Variants in SURF6 observed in about 807,000 individuals in gnomAD.
SURF6 encodes surfeit 6.
A neutral mutation model predicts 37.5 loss-of-function variants in SURF6; 28 were observed. The ratio of observed to expected loss-of-function variants is 0.75; its 90% CI spans 0.55 to 1.02. The LOEUF (loss-of-function observed/expected upper bound fraction) is 1.02, where lower values mean the gene tolerates loss of function less well. Ranked by LOEUF, SURF6 falls within the 50% of genes least tolerant of loss-of-function variation. The pLI is 0.00. For missense variants in SURF6, 560 were observed against 490.5 expected, an observed-to-expected ratio of 1.14 and a Z score of -1.34; for synonymous variants, 248 against 210.9, an observed-to-expected ratio of 1.18 and a Z score of -1.52.
At chr9:133,335,515 C>T (rs1835851161) in intron 1 of SURF6, among the ~76,000 whole-genome samples, 1 of 152,078 alleles carries the variant, frequency 6.6e-6, no homozygotes, top group African/African-American at 2.4e-5. Context: ...ACAGCACTGA[C>T]ACGTCCCCGC....
rs2129912290 is a variant in SURF6 at position 133,331,888 on chromosome 9, T to C, written c.1067A>G (p.Glu356Gly). The C allele has an allele frequency of 6.6e-7, 1 of 1,523,352 alleles. No individual in the cohort carries two copies. Among genetic ancestry groups the C allele is most frequent in the Non-Finnish European group, 8.7e-7 (1 of 1,147,610 alleles). 94.4% of individuals were successfully genotyped at this position (1,523,352 alleles called of 1,614,324 possible). The part of the protein sequence containing the change: ...KKGRILPQDL[E>G]RAGLV ...AAAGACTCAGACCAGGCCTGCGCGC[T>C]CCAGGTCCTGCGGCAGGATGCGGCC... The change falls in exon 5 of 5, where the codon GAG (glutamate) becomes GGG (glycine). Residue 356 changes from glutamate (E) to glycine (G), a missense_variant. Coordinates refer to ENST00000372022, the MANE Select transcript of SURF6 (RefSeq NM_006753.6).
At position 133,331,666 on chromosome 9, in the gene SURF6, G is replaced by T; in HGVS notation, c.*203C>A. On this transcript the variant is annotated 3_prime_UTR_variant, in exon 5 of 5. Transcript: ENST00000372022. ...TGGGTCTGAAGGTCCCGGATCCTGCGTTCAAGGATGACGCTGAAACTCTCT... is the reference window on the plus strand; with the variant it reads ...TGGGTCTGAAGGTCCCGGATCCTGCTTTCAAGGATGACGCTGAAACTCTCT... 1 of 661,948 alleles carries T rather than the reference G, an allele frequency of 1.5e-6. No homozygotes were observed. Among genetic ancestry groups the T allele is most frequent in the Non-Finnish European group, 2.2e-6 (1 of 453,128 alleles). The allele number at this position is 661,948 out of a possible 1,614,324, so 41.0% of individuals were successfully genotyped here.
intron 2 of SURF6, 31 bp from the exon 3 acceptor site, chr9:133,333,837 C>T: frequency 1.3e-6 from 2 of 1,569,986 alleles, no homozygotes; most frequent in South Asian, 1.1e-5. Flanking sequence ...CTGCAGGGGG[C>T]CCTCTCTTCC....
rs2129902660 is a variant in SURF6, at chr9:133,329,447, A to C, written c.*2422T>G. ...GCTAAGTAGCGGGTGTTGTTCCTTGATACTTTTTGCTACTGCTAGACCATG... is the reference window on the plus strand; with the variant it reads ...GCTAAGTAGCGGGTGTTGTTCCTTGCTACTTTTTGCTACTGCTAGACCATG... On this transcript the variant is annotated 3_prime_UTR_variant, in exon 5 of 5. Transcript: ENST00000372022. 5.5e-5 allele frequency: 16 copies of C among 289,332 alleles called. No individual in the cohort carries two copies. The highest frequency in any genetic ancestry group is 9.2e-5 in the Non-Finnish European group (13 of 140,656). 17.9% of individuals were successfully genotyped at this position (289,332 alleles called of 1,614,324 possible).
Position 133,331,156 on chromosome 9 carries a change from C to A in SURF6, c.*713G>T, listed in dbSNP as rs1168196832. On this transcript the variant is annotated 3_prime_UTR_variant, in exon 5 of 5. Coordinates refer to ENST00000372022, the MANE Select transcript of SURF6 (RefSeq NM_006753.6). ...CTTTGTATCTTGCATTCACTTCACT[C>A]TCTCTCCAGCTTTTATTCTTTCTTT... 1 of 152,248 alleles carries A rather than the reference C, an allele frequency of 6.6e-6. No homozygotes were observed. The highest frequency in any genetic ancestry group is 2.4e-5 in the African/African-American group (1 of 41,466). The allele number at this position is 152,248 out of a possible 1,614,324, so 9.4% of individuals were successfully genotyped here.
chr9:133,333,139 G>A (rs2129922649), intron 3 of SURF6, among the ~76,000 whole-genome samples: 6 of 152,208 alleles, frequency 3.9e-5, no homozygotes, highest in African/African-American at 1.4e-4. Flanking sequence ...GGTACCCAAC[G>A]AAGCCCTCCC....
chr9:133,335,912 GA>G (rs1249287786), intron 1 of SURF6, 126 bp downstream of exon 1: 15 of 745,438 alleles, frequency 2.0e-5, no homozygotes, highest in Admixed American at 2.0e-4. Flanking sequence ...ACAAATAAGG[GA>G]AACGGCGATA....
Position 133,336,171 on chromosome 9 carries a change from G to T in SURF6, c.-39C>A. 6.4e-7 allele frequency: 1 copy of T among 1,554,850 alleles called. No individual in the cohort carries two copies. The highest frequency in any genetic ancestry group is 1.4e-5 in the African/African-American group (1 of 68,966). ...GCCGTTCACGACTCACACCTTCCCC[G>T]CTGCGCGTGCGACTCTCACCACCTC... On this transcript the variant is annotated 5_prime_UTR_variant, in exon 1 of 5. Transcript: ENST00000372022.
At chr9:133,332,922 A>G in intron 3 of SURF6, 162 bp from the exon 4 acceptor site, 1 of 663,948 alleles carries the variant, frequency 1.5e-6, no homozygotes. Context: ...TTCCCCAAAA[A>G]GCAAATGACC....
chr9:133,332,673 C>G lies in SURF6; in HGVS notation c.481G>C (p.Glu161Gln). ...ERDRKKRKRK[E>Q]LRAKEKARKA... is the part of the protein sequence containing the mutation. ...CTGGCCTTCTCTTTCGCCCGCAGCT[C>G]CTTTCGCTTCCTCTTCTTCCGGTCC... The change falls in exon 4 of 5, where the codon GAG becomes CAG. Residue 161 changes from glutamate to glutamine, a missense_variant. By Grantham distance (29) the Glu-to-Gln change is conservative (BLOSUM62 2). Coordinates refer to ENST00000372022, the MANE Select transcript of SURF6 (RefSeq NM_006753.6). 1 of 1,612,356 alleles carries G rather than the reference C, an allele frequency of 6.2e-7. No individual in the cohort carries two copies. The highest frequency in any genetic ancestry group is 8.5e-7 in the Non-Finnish European group (1 of 1,180,026).
chr9:133,334,408 T>C lies in SURF6; in HGVS notation c.288A>G (p.Ser96=), dbSNP rs2129927079. 32 of 1,613,076 alleles carry C rather than the reference T, an allele frequency of 2.0e-5. No individual in the cohort carries two copies. The highest frequency in any genetic ancestry group is 2.4e-5 in the Non-Finnish European group (28 of 1,179,844). ...AKEEAAWASS[S]AGNPADGLAT... is the part of the protein sequence containing the mutation. Reference sequence around the variant, plus strand: ...GCCTCTCACCTGCAGGGTTCCCTGCTGAGCTGGAAGCCCAAGCTGCTTCCT... The same window carrying C: ...GCCTCTCACCTGCAGGGTTCCCTGCCGAGCTGGAAGCCCAAGCTGCTTCCT... Residue 96 remains serine (S), a synonymous_variant, in exon 2 of 5, where the codon TCA becomes TCG. Transcript: ENST00000372022.
chr9:133,333,864 T>C, intron 2 of SURF6, 58 bp from the exon 3 acceptor site: 1 of 1,402,624 alleles, frequency 7.1e-7, no homozygotes, highest in Non-Finnish European at 9.9e-7. Context: ...CCTCCCTCCC[T>C]AGGGCCACGA....
Position 133,332,762 on chromosome 9 carries a change from TG to T in SURF6, c.394-3del. The T allele has an allele frequency of 6.2e-7, 1 of 1,609,666 alleles. No homozygotes were observed. ...AGGGGACAGCTCCTTGGCACTGCCC[TG>T]GGGGAAAGAGGCACCCACTCATTAA... On this transcript the variant is annotated splice_region_variant and splice_polypyrimidine_tract_variant and intron_variant, in intron 3 of 4. Transcript: ENST00000372022.
chr9:133,333,851 C>G, intron 2 of SURF6, 45 bp from the exon 3 acceptor site: 1 of 1,522,602 alleles, frequency 6.6e-7, no homozygotes, highest in East Asian at 2.3e-5. Context: ...CTCTTCCCCT[C>G]CCCCTCCCTC....
rs2129918711 is a variant in SURF6 at position 133,332,517 on chromosome 9, C to G, written c.606+31G>C. ...GCAACGCTGAGGCCTGAAGCCGACCCAGCCCGCCCAAGGACCCAGCTCCCG... is the reference window on the plus strand; with the variant it reads ...GCAACGCTGAGGCCTGAAGCCGACCGAGCCCGCCCAAGGACCCAGCTCCCG... On this transcript the variant is annotated intron_variant, in intron 4 of 4. Transcript: ENST00000372022. The G allele has an allele frequency of 2.5e-6, 4 of 1,599,268 alleles. No individual in the cohort carries two copies. The South Asian group carries it at 3.3e-5, about 13-fold the overall frequency.
intron 1 of SURF6, among the ~76,000 whole-genome samples, chr9:133,335,358 G>A (rs188880305): frequency 3.3e-5 from 5 of 151,972 alleles, no homozygotes; most frequent in Admixed American, 2.6e-4. Context: ...GAGAAAGACA[G>A]ACGGAAGACA....
In SURF6 at chr9:133,332,194, C is replaced by T. The variant is rs782033286; in HGVS notation, c.761G>A (p.Arg254His). 2.5e-6 allele frequency: 4 copies of T among 1,609,048 alleles called. No homozygotes were observed. The East Asian group carries it at 6.7e-5, about 27-fold the overall frequency. ...CTGCGCCTTCCCCTCATCCTGGCCG[C>T]GCAGCTCGTCCAGCCGGCTCTGCCG... The part of the protein sequence containing the change: ...QARQSRLDEL[R>H]GQDEGKAQEL... The change falls in exon 5 of 5, where the codon CGC (arginine) becomes CAC (histidine). Residue 254 changes from arginine to histidine, a missense_variant. Arg to His is a conservative substitution (Grantham distance 29). Coordinates refer to ENST00000372022, the MANE Select transcript of SURF6 (RefSeq NM_006753.6).
intron 2 of SURF6, 95 bp from the exon 3 acceptor site, chr9:133,333,901 G>C: frequency 2.0e-6 from 2 of 982,108 alleles, no homozygotes; most frequent in Non-Finnish European, 1.6e-6. Flanking sequence ...GGCCACTCAT[G>C]GATCTGCAGG....
Position 133,330,894 on chromosome 9 carries a change from A to AGCTCAT in SURF6, c.*969_*974dup, listed in dbSNP as rs1233253034. Reference sequence around the variant, plus strand: ...ACTGTTGTGTCTGTCTCTCAGCTCAAGCTCATGCTCACCTCACATCCTATC... The same window carrying AGCTCAT: ...ACTGTTGTGTCTGTCTCTCAGCTCAAGCTCATGCTCATGCTCACCTCACATCCTATC... On this transcript the variant is annotated 3_prime_UTR_variant, in exon 5 of 5. Transcript: ENST00000372022. The AGCTCAT allele has an allele frequency of 1.3e-5, 2 of 152,178 alleles. No homozygotes were observed. The highest frequency in any genetic ancestry group is 2.9e-5 in the Non-Finnish European group (2 of 68,042). 9.4% of individuals were successfully genotyped at this position (152,178 alleles called of 1,614,324 possible).
Sources: gnomAD v4.1 joint callset for allele counts (sites outside exome capture counted in the v4.1 genomes callset) on GRCh38, gnomAD v4.1.1 for gene constraint, MANE v1.5 for transcripts, NCBI Gene and HGNC (gene_info 2026-07-23, HGNC 2026-07-21) for gene names.